PHKA2: variants seen among roughly 807,000 people sequenced by gnomAD.
The protein encoded by PHKA2 is phosphorylase kinase regulatory subunit alpha 2.
Under a neutral mutation model 102.0 loss-of-function variants are expected in PHKA2, and 31 were observed. The ratio of observed to expected loss-of-function variants is 0.30; its 90% CI spans 0.23 to 0.41. The LOEUF is 0.41. Among genes scored for constraint, PHKA2 ranks in the 10% least tolerant of loss-of-function variants. The probability of loss-of-function intolerance (pLI) is 1.00; values close to 1 mark genes in which losing one functional copy is unlikely to be tolerated. For synonymous variants in PHKA2, 455 were observed against 416.2 expected (o/e 1.09, Z -1.13); for missense variants, 858 against 1,023.1 (o/e 0.84, Z 2.20).
chrX:18,965,255 G>A (rs779564194), intron 1 of PHKA2, among the ~76,000 whole-genome samples: 1 of 111,446 alleles, frequency 9.0e-6, no homozygotes, highest in East Asian at 2.8e-4. Context: ...AAGGAGGGAG[G>A]ATTACTGAGA....
intron 8 of PHKA2, among the ~76,000 whole-genome samples, chrX:18,941,280 A>T (rs1216139803): frequency 9.0e-6 from 1 of 111,502 alleles, no homozygotes; most frequent in Non-Finnish European, 1.9e-5. Context: ...TCTGCCTTAG[A>T]AGTATGGTAC....
chrX:18,908,925 T>G lies in PHKA2; in HGVS notation c.2236A>C (p.Ser746Arg). 8.3e-7 allele frequency: 1 copy of G among 1,210,501 alleles called. No homozygotes were observed. Among genetic ancestry groups the G allele is most frequent in the Non-Finnish European group, 1.1e-6 (1 of 894,457 alleles). The part of the protein sequence containing the change: ...PQPLLEKVPE[S>R]DFQWPRDDHG... ...TCATCTCTGGGCCACTGAAAGTCAC[T>G]TTCAGGAACCTGTTCATACAAGAGC... Residue 746 changes from serine (S) to arginine (R), a missense_variant, in exon 21 of 33, where the codon AGT (serine) becomes CGT (arginine). Ser to Arg is a moderately radical substitution (Grantham distance 110, BLOSUM62 -1). Around this residue, in one of 2 missense-constraint regions of PHKA2, gnomAD observed 671 missense variants for 745.2 expected, o/e 0.90. Coordinates refer to ENST00000379942, the MANE Select transcript of PHKA2 (RefSeq NM_000292.3).
At chrX:18,908,197 C>G in intron 21 of PHKA2, 141 bp from the exon 22 acceptor site, 1 of 610,870 alleles carries the variant, frequency 1.6e-6, no homozygotes. Context: ...CCGACCAAAG[C>G]TTCCCTATGT....
intron 10 of PHKA2, among the ~76,000 whole-genome samples, chrX:18,938,333 T>C (rs2048426155): frequency 8.8e-6 from 1 of 113,235 alleles, no homozygotes; most frequent in Admixed American, 9.3e-5. Context: ...CAATTGGCCA[T>C]GTGAGTGAGG....
In PHKA2 at chrX:18,893,413, G is replaced by A. The variant is rs1159315255; in HGVS notation, c.*72C>T. On this transcript the variant is annotated 3_prime_UTR_variant, in exon 33 of 33. Transcript: ENST00000379942. Reference sequence around the variant, plus strand: ...CCTGATAGCACAGGGGATCTTGGGGGACAGAAGGTTCCCAGTAAGGCTAGG... The same window carrying A: ...CCTGATAGCACAGGGGATCTTGGGGAACAGAAGGTTCCCAGTAAGGCTAGG... 9.6e-7 allele frequency: 1 copy of A among 1,037,809 alleles called. No homozygotes were observed. Among genetic ancestry groups the A allele is most frequent in the Non-Finnish European group, 1.4e-6 (1 of 739,927 alleles). 85.5% of individuals were successfully genotyped at this position (1,037,809 alleles called of 1,213,427 possible). A position where few individuals can be genotyped will look rare whatever the true frequency, so the allele number is the denominator to read the frequency against.
Position 18,910,992 on chromosome X carries a change from T to C in PHKA2, c.2138-32A>G, listed in dbSNP as rs375077792. ...AACAAAAGAATAAAGAGAGTTATTC[T>C]GAGGAGGAAGAACAACACTTTTTTT... On this transcript the variant is annotated intron_variant, in intron 19 of 32. Transcript: ENST00000379942. The C allele has an allele frequency of 3.2e-6, 3 of 949,896 alleles. No individual in the cohort carries two copies. The African/African-American group carries it at 7.0e-5, about 22-fold the overall frequency. 78.3% of individuals were successfully genotyped at this position (949,896 alleles called of 1,213,427 possible). A position where few individuals can be genotyped will look rare whatever the true frequency, so the allele number is the denominator to read the frequency against.
intron 30 of PHKA2, among the ~76,000 whole-genome samples, chrX:18,896,831 C>A (rs2047566255): frequency 1.8e-5 from 2 of 112,201 alleles, no homozygotes; most frequent in African/African-American, 6.5e-5. Flanking sequence ...TAGACTGCCA[C>A]CTTGTCTTAC....
chrX:18,956,370 G>A (rs2048774611), intron 1 of PHKA2, among the ~76,000 whole-genome samples: 1 of 111,579 alleles, frequency 9.0e-6, no homozygotes, highest in Non-Finnish European at 1.9e-5. Context: ...TCTGAGGTCT[G>A]TTGGGTAAGC....
At chrX:18,927,169 G>A (rs1337020068) in intron 13 of PHKA2, among the ~76,000 whole-genome samples, 2 of 111,761 alleles carry the variant, frequency 1.8e-5, no homozygotes, top group African/African-American at 3.3e-5. Flanking sequence ...GGGCCCCACC[G>A]GTGGGGAAAA....
chrX:18,943,922 C>T, intron 6 of PHKA2, 114 bp from the exon 7 acceptor site: 1 of 569,509 alleles, frequency 1.8e-6, no homozygotes. Context: ...GGTAATGAAA[C>T]ACATTTTAAA....
At chrX:18,901,646 G>T in intron 26 of PHKA2, 43 bp from the exon 27 acceptor site, 1 of 900,577 alleles carries the variant, frequency 1.1e-6, no homozygotes, top group Non-Finnish European at 1.6e-6. Context: ...GAACTCTACA[G>T]CATCCAACCC....
At chrX:18,960,408 G>A (rs1416203446) in intron 1 of PHKA2, among the ~76,000 whole-genome samples, 1 of 111,798 alleles carries the variant, frequency 8.9e-6, no homozygotes, top group Non-Finnish European at 1.9e-5. Flanking sequence ...ATGGTTCTGT[G>A]GGCTGTACAG....
intron 13 of PHKA2, among the ~76,000 whole-genome samples, chrX:18,928,949 T>C (rs1314247609): frequency 3.5e-5 from 4 of 112,737 alleles, no homozygotes; most frequent in Non-Finnish European, 1.9e-5. Context: ...ATAACAATGA[T>C]GATAAATGAC....
At chrX:18,982,849 A>G (rs2049193792) in intron 1 of PHKA2, among the ~76,000 whole-genome samples, 1 of 111,765 alleles carries the variant, frequency 8.9e-6, no homozygotes, top group African/African-American at 3.3e-5. Flanking sequence ...CAAACAAACA[A>G]CAACAAAGAA....
chrX:18,899,165 ACT>A lies in PHKA2; in HGVS notation c.3111+6_3111+7del. 8.3e-7 allele frequency: 1 copy of A among 1,203,505 alleles called. No homozygotes were observed. The highest frequency in any genetic ancestry group is 1.1e-6 in the Non-Finnish European group (1 of 887,841). ...GGGACGGACACAATAATCCCGAGGC[ACT>A]GTTACCGCAGACTTGGAGGAATGCG... On this transcript the variant is annotated splice_donor_region_variant and intron_variant, in intron 29 of 32. Transcript: ENST00000379942.
intron 28 of PHKA2, among the ~76,000 whole-genome samples, chrX:18,900,421 G>A (rs1175225871): frequency 9.0e-6 from 1 of 111,422 alleles, no homozygotes; most frequent in South Asian, 3.8e-4. Context: ...CACTGAGGCA[G>A]AGCCTGGATG....
chrX:18,952,347 AAAAAG>A, intron 3 of PHKA2, 142 bp downstream of exon 3: 2 of 501,330 alleles, frequency 4.0e-6, no homozygotes, highest in Non-Finnish European at 6.8e-6. Context: ...AAAAAAAAAA[AAAAAG>A]AGAGAGAGAA....
At chrX:18,981,243 T>A (rs1322845281) in intron 1 of PHKA2, among the ~76,000 whole-genome samples, 1 of 111,175 alleles carries the variant, frequency 9.0e-6, no homozygotes, top group Non-Finnish European at 1.9e-5. Context: ...CCTGCACTTG[T>A]GGGCGCATGG....
At position 18,918,617 on chromosome X, in the gene PHKA2, A is replaced by G. The variant is rs943436640; in HGVS notation, c.2137+64T>C. 4 of 1,059,229 alleles carry G rather than the reference A, an allele frequency of 3.8e-6. No individual in the cohort carries two copies. The African/African-American group carries it at 5.5e-5, about 15-fold the overall frequency. 87.3% of individuals were successfully genotyped at this position (1,059,229 alleles called of 1,213,427 possible). ...TCTAGGATTCTTTGGCTTTTAAATT[A>G]TGTCCCTGCATTACTTTGATAAAAG... On this transcript the variant is annotated intron_variant, in intron 19 of 32. Transcript: ENST00000379942.
Sources: allele counts gnomAD v4.1 joint callset (sites outside exome capture counted in the v4.1 genomes callset), GRCh38; gene constraint gnomAD v4.1.1; regional missense constraint gnomAD v4.1.1; transcripts MANE v1.5; gene names NCBI Gene and HGNC (gene_info 2026-07-23, HGNC 2026-07-21).